The following ZNF200 variants were observed in gnomAD, a reference collection of about 807,000 sequenced individuals.
ZNF200 encodes zinc finger protein 200.
ZNF200 carries 35 observed loss-of-function variants against 33.6 expected under a neutral mutation model. The ratio of observed to expected loss-of-function variants is 1.04; its 90% CI spans 0.80 to 1.38. The LOEUF (loss-of-function observed/expected upper bound fraction) is 1.38. ZNF200 is among the 40% of genes most tolerant of loss of function. The pLI, the probability that ZNF200 is intolerant of heterozygous loss-of-function variation, is 0.00. For synonymous variants in ZNF200, 209 were observed against 167.7 expected (o/e 1.25, Z -1.90); for missense variants, 592 against 470.6 (o/e 1.26, Z -2.39).
chr16:3,232,933 G>A lies in ZNF200; in HGVS notation c.251-12C>T. The A allele has an allele frequency of 7.4e-6, 12 of 1,612,664 alleles. No homozygotes were observed. The highest frequency in any genetic ancestry group is 1.1e-5 in the South Asian group (1 of 91,048). On this transcript the variant is annotated splice_polypyrimidine_tract_variant and intron_variant, in intron 2 of 4. Transcript: ENST00000414144. ...GGGACGAGGATGCACTGGGGAAAGAGGAAGGTTTAGTTAGTGAAAAACTCA... is the reference window on the plus strand; with the variant it reads ...GGGACGAGGATGCACTGGGGAAAGAAGAAGGTTTAGTTAGTGAAAAACTCA...
At position 3,223,827 on chromosome 16, in the gene ZNF200, C is replaced by T. The variant is rs1958392072; in HGVS notation, c.*65G>A. The T allele has an allele frequency of 2.7e-6, 4 of 1,505,498 alleles. No homozygotes were observed. Among genetic ancestry groups the T allele is most frequent in the Non-Finnish European group, 3.5e-6 (4 of 1,128,612 alleles). 93.3% of individuals were successfully genotyped at this position (1,505,498 alleles called of 1,614,324 possible). On this transcript the variant is annotated 3_prime_UTR_variant, in exon 5 of 5. Coordinates refer to ENST00000414144, the MANE Select transcript of ZNF200 (RefSeq NM_198088.3). ...TACCTTTTTAGGCAGCTTGGGAATT[C>T]AGAACTACTTATGAAAGCTCTCAGG...
intron 1 of ZNF200, chr16:3,234,091 C>T (rs531965587): frequency 1.0e-5 from 2 of 191,720 alleles, no homozygotes; most frequent in African/African-American, 4.7e-5. Flanking sequence ...CGGAGAAGGC[C>T]AAGGTCCAGC....
In ZNF200 at chr16:3,223,328, C is replaced by CT. The variant is rs1958378967; in HGVS notation, c.*563dup. 1 of 152,336 alleles carries CT rather than the reference C, an allele frequency of 6.6e-6. No individual in the cohort carries two copies. The highest frequency in any genetic ancestry group is 2.4e-5 in the African/African-American group (1 of 41,470). The allele number at this position is 152,336 out of a possible 1,614,324, so 9.4% of individuals were successfully genotyped here. The stretch of plus-strand genomic sequence containing the variant: ...ATTTAGATCACATACAAATGAGAGT[C>CT]TGACATTCAACTGTTTTCCTATATT... On this transcript the variant is annotated 3_prime_UTR_variant, in exon 5 of 5. Coordinates refer to ENST00000414144, the MANE Select transcript of ZNF200 (RefSeq NM_198088.3).
rs7187479 is a variant in ZNF200 at position 3,224,857 on chromosome 16, C to T, written c.467-244G>A. On this transcript the variant is annotated intron_variant, in intron 4 of 4. Transcript: ENST00000414144. ...TGAGTGGGATTTCACTGAAAGACTTCAAATGTTTGTTCTCTTCATAGGTGT... is the reference window on the plus strand; with the variant it reads ...TGAGTGGGATTTCACTGAAAGACTTTAAATGTTTGTTCTCTTCATAGGTGT... 1.8e-5 allele frequency: 9 copies of T among 505,526 alleles called. No homozygotes were observed. The East Asian group carries it at 3.1e-4, about 17-fold the overall frequency. 31.3% of individuals were successfully genotyped at this position (505,526 alleles called of 1,614,324 possible). A position where few individuals can be genotyped will look rare whatever the true frequency, so the allele number is the denominator to read the frequency against.
intron 4 of ZNF200, chr16:3,226,895 C>G (rs1958488042): frequency 6.6e-6 from 1 of 152,216 alleles, no homozygotes; most frequent in South Asian, 2.1e-4. Context: ...ACCTCACCAT[C>G]AATGTGTTTT....
At chr16:3,231,571 T>A (rs1296104953) in intron 4 of ZNF200, among the ~76,000 whole-genome samples, 1 of 152,226 alleles carries the variant, frequency 6.6e-6, no homozygotes. Context: ...AGGTAAAGCA[T>A]CTCTAAGCAA....
chr16:3,229,646 A>G (rs1433201023), intron 4 of ZNF200, among the ~76,000 whole-genome samples: 1 of 152,172 alleles, frequency 6.6e-6, no homozygotes, highest in Non-Finnish European at 1.5e-5. Flanking sequence ...CGGGCAGATC[A>G]CAAGGTCAGG....
chr16:3,231,633 T>A (rs115823374), intron 4 of ZNF200, among the ~76,000 whole-genome samples: 2 of 152,206 alleles, frequency 1.3e-5, no homozygotes, highest in Non-Finnish European at 2.9e-5. Context: ...TGGGGGACAC[T>A]TGTCAACTAT....
rs1168191685 is a variant in ZNF200, at chr16:3,223,986, C to A, written c.1094G>T (p.Gly365Val). 6.2e-7 allele frequency: 1 copy of A among 1,614,054 alleles called. No individual in the cohort carries two copies. Among genetic ancestry groups the A allele is most frequent in the South Asian group, 1.1e-5 (1 of 91,074 alleles). ...AAATCTTCTCCCACATTTTTTGCAA[C>A]CATATGGTCTCTCAGCCTCATGACT... The part of the protein sequence containing the change: ...LQSHEAERPY[G>V]CKKCGRRFGR... The change falls in exon 5 of 5, where the codon GGT becomes GTT. Residue 365 changes from glycine (G) to valine (V), a missense_variant. Coordinates refer to ENST00000414144, the MANE Select transcript of ZNF200 (RefSeq NM_198088.3).
At chr16:3,232,293 A>C in intron 4 of ZNF200, 128 bp downstream of exon 4, 1 of 1,154,450 alleles carries the variant, frequency 8.7e-7, no homozygotes, top group Non-Finnish European at 1.2e-6. Flanking sequence ...AATAAAACAA[A>C]AGTAAAATAA....
rs1445513788 is a variant in ZNF200, at chr16:3,233,658, C to T, written c.98G>A (p.Arg33Gln). Reference protein sequence around the residue: ...PDSKLGQDLLRDATNGPKTIH... With the variant: ...PDSKLGQDLLQDATNGPKTIH... ...GGTCTTGGGCCCGTTAGTGGCATCT[C>T]GAAGTAGGTCTTGGCCCAGCTTGGA... Residue 33 changes from arginine to glutamine, a missense_variant, in exon 2 of 5, where the codon CGA (arginine) becomes CAA (glutamine). By Grantham distance (43) the Arg-to-Gln change is conservative. Coordinates refer to ENST00000414144, the MANE Select transcript of ZNF200 (RefSeq NM_198088.3). The T allele has an allele frequency of 1.9e-6, 3 of 1,613,878 alleles. No homozygotes were observed. Among genetic ancestry groups the T allele is most frequent in the Admixed American group, 1.7e-5 (1 of 60,018 alleles).
chr16:3,232,661 A>G, intron 3 of ZNF200, 114 bp from the exon 4 acceptor site: 1 of 1,509,696 alleles, frequency 6.6e-7, no homozygotes, highest in Non-Finnish European at 9.0e-7. Context: ...AGGGACCTAT[A>G]AATCCCACAG....
intron 4 of ZNF200, among the ~76,000 whole-genome samples, chr16:3,228,959 C>T (rs1958555241): frequency 6.6e-6 from 1 of 151,978 alleles, no homozygotes; most frequent in African/African-American, 2.4e-5. Context: ...GAGGATTCAA[C>T]CAACCAAGGA....
intron 3 of ZNF200, 55 bp from the exon 4 acceptor site, chr16:3,232,602 T>C (rs1157594757): frequency 5.0e-6 from 8 of 1,599,552 alleles, no homozygotes; most frequent in African/African-American, 2.7e-5. Flanking sequence ...CTGACAGCCC[T>C]ACTGGTAAGA....
chr16:3,231,423 C>G (rs552927499), intron 4 of ZNF200, among the ~76,000 whole-genome samples: 1 of 152,272 alleles, frequency 6.6e-6, no homozygotes, highest in Non-Finnish European at 1.5e-5. Context: ...TCACCCCAGG[C>G]AACTTCTAAA....
chr16:3,233,248 A>G (rs1427520004), intron 2 of ZNF200, among the ~76,000 whole-genome samples: 2 of 152,214 alleles, frequency 1.3e-5, no homozygotes, highest in East Asian at 3.8e-4. Context: ...TAACTCAATA[A>G]TTCATCTGAT....
chr16:3,233,497 G>C lies in ZNF200; in HGVS notation c.250+9C>G. ...TCCTCTTCTAGTGAAACAAGCATGT[G>C]CTTCTCACCTCTGTTCTGAAGGCTT... is the stretch of plus-strand genomic sequence containing the variant. On this transcript the variant is annotated intron_variant, in intron 2 of 4. Coordinates refer to ENST00000414144, the MANE Select transcript of ZNF200 (RefSeq NM_198088.3). 1 of 1,513,136 alleles carries C rather than the reference G, an allele frequency of 6.6e-7. No individual in the cohort carries two copies. Among genetic ancestry groups the C allele is most frequent in the Non-Finnish European group, 8.8e-7 (1 of 1,132,542 alleles). The allele number at this position is 1,513,136 out of a possible 1,614,324, so 93.7% of individuals were successfully genotyped here. A position where few individuals can be genotyped will look rare whatever the true frequency, so the allele number is the denominator to read the frequency against.
chr16:3,230,239 A>G (rs1284146982), intron 4 of ZNF200, among the ~76,000 whole-genome samples: 2 of 152,244 alleles, frequency 1.3e-5, no homozygotes, highest in Non-Finnish European at 2.9e-5. Flanking sequence ...TGTGAGCCAA[A>G]TAAACCTCTT....
At chr16:3,225,946 A>G (rs953408393) in intron 4 of ZNF200, 1 of 143,778 alleles carries the variant, frequency 7.0e-6, no homozygotes, top group African/African-American at 2.6e-5. Flanking sequence ...GGGTCTTGCT[A>G]TGTTGCCTAG....
Sources: allele counts gnomAD v4.1 joint callset (sites outside exome capture counted in the v4.1 genomes callset), GRCh38; gene constraint gnomAD v4.1.1; transcripts MANE v1.5; gene names NCBI Gene and HGNC (gene_info 2026-07-23, HGNC 2026-07-21).